Variants in BRINP3 observed in about 807,000 individuals in gnomAD.
BRINP3 encodes BMP/retinoic acid inducible neural specific 3.
In BRINP3, 19 loss-of-function variants were observed where a neutral mutation model predicts 71.0. The ratio of observed to expected loss-of-function variants is 0.27; its 90% CI spans 0.19 to 0.39. The LOEUF (loss-of-function observed/expected upper bound fraction) is 0.39, where lower values mean the gene tolerates loss of function less well. Among genes scored for constraint, BRINP3 ranks in the 10% least tolerant of loss-of-function variants. The pLI, the probability that BRINP3 is intolerant of heterozygous loss-of-function variation, is 1.00. For missense variants in BRINP3, 959 were observed against 940.8 expected (o/e 1.02, Z -0.25); for synonymous variants, 380 against 337.7 (o/e 1.13, Z -1.37).
chr1:190,195,361 G>A (rs1654388547), intron 6 of BRINP3, among the ~76,000 whole-genome samples: 1 of 151,842 alleles, frequency 6.6e-6, no homozygotes, highest in Admixed American at 6.6e-5. Context: ...TTTGTACATA[G>A]TTTGTCTTAT....
intron 2 of BRINP3, among the ~76,000 whole-genome samples, chr1:190,434,773 A>C (rs1356508040): frequency 6.6e-6 from 1 of 152,114 alleles, no homozygotes; most frequent in Non-Finnish European, 1.5e-5. Flanking sequence ...TTGGAAAATT[A>C]ATTTTATTTG....
chr1:190,154,843 T>C (rs1571859082), intron 7 of BRINP3, among the ~76,000 whole-genome samples: 1 of 152,238 alleles, frequency 6.6e-6, no homozygotes, highest in East Asian at 1.9e-4. Flanking sequence ...CCATTTTTAC[T>C]TGACATAGTT....
chr1:190,327,738 A>T (rs1265469049), intron 2 of BRINP3, among the ~76,000 whole-genome samples: 1 of 152,168 alleles, frequency 6.6e-6, no homozygotes, highest in African/African-American at 2.4e-5. Flanking sequence ...TAGACAGATC[A>T]TATAGGCAGA....
intron 4 of BRINP3, among the ~76,000 whole-genome samples, chr1:190,235,043 A>G (rs570420219): frequency 6.6e-6 from 1 of 152,034 alleles, no homozygotes; most frequent in Non-Finnish European, 1.5e-5. Flanking sequence ...CTTTGCTTAT[A>G]CAACATCCTC....
At chr1:190,364,334 G>A (rs955313044) in intron 2 of BRINP3, among the ~76,000 whole-genome samples, 36 of 152,192 alleles carry the variant, frequency 2.4e-4, no homozygotes, top group Admixed American at 2.2e-3. Flanking sequence ...AATGATACTT[G>A]AATGTGTGGT....
At chr1:190,334,106 G>A (rs1042135160) in intron 2 of BRINP3, among the ~76,000 whole-genome samples, 1 of 151,716 alleles carries the variant, frequency 6.6e-6, no homozygotes. Context: ...AATAAAATTT[G>A]TTTAAATAAT....
chr1:190,428,448 T>A (rs1379112839), intron 2 of BRINP3, among the ~76,000 whole-genome samples: 1 of 151,980 alleles, frequency 6.6e-6, no homozygotes, highest in African/African-American at 2.4e-5. Flanking sequence ...AAAACTCGTA[T>A]TTTTTTCTAA....
intron 2 of BRINP3, among the ~76,000 whole-genome samples, chr1:190,333,707 C>T (rs999690712): frequency 1.3e-5 from 2 of 151,824 alleles, no homozygotes; most frequent in Non-Finnish European, 2.9e-5. Context: ...TAGAAATTAC[C>T]TTAACAACAT....
chr1:190,366,789 ATATAAT>A (rs557437643), intron 2 of BRINP3, among the ~76,000 whole-genome samples: 43 of 152,306 alleles, frequency 2.8e-4, no homozygotes, highest in Middle Eastern at 6.8e-3. Context: ...CAAGTCCAAA[ATATAAT>A]AGTGCAGTCA....
At chr1:190,162,227 G>A (rs1259503179) in intron 6 of BRINP3, among the ~76,000 whole-genome samples, 16 of 147,992 alleles carry the variant, frequency 1.1e-4, no homozygotes, top group Admixed American at 1.0e-3. Flanking sequence ...GGTTTTGCTC[G>A]TTATCCAGGC....
chr1:190,112,273 T>A (rs59964875), intron 7 of BRINP3, among the ~76,000 whole-genome samples: 20,992 of 152,200 alleles, frequency 0.14, 2,503 homozygotes, highest in African/African-American at 0.28. Context: ...AAATTAAGTA[T>A]GTGTTTTCAG....
At chr1:190,261,906 G>T (rs1661216867) in intron 4 of BRINP3, among the ~76,000 whole-genome samples, 1 of 152,126 alleles carries the variant, frequency 6.6e-6, no homozygotes, top group Non-Finnish European at 1.5e-5. Context: ...TATTCAACTA[G>T]AAAATATTTC....
chr1:190,413,042 T>G (rs1672792966), intron 2 of BRINP3, among the ~76,000 whole-genome samples: 1 of 152,172 alleles, frequency 6.6e-6, no homozygotes, highest in African/African-American at 2.4e-5. Context: ...AGCACACCGC[T>G]GAATGTGCAG....
chr1:190,323,665 G>C (rs1277376146), intron 2 of BRINP3, among the ~76,000 whole-genome samples: 1 of 151,454 alleles, frequency 6.6e-6, no homozygotes, highest in Non-Finnish European at 1.5e-5. Context: ...GTTCTCTGTG[G>C]TTGAATATGA....
chr1:190,300,956 G>A (rs1033621592), intron 2 of BRINP3, among the ~76,000 whole-genome samples: 1 of 151,726 alleles, frequency 6.6e-6, no homozygotes, highest in Non-Finnish European at 1.5e-5. Flanking sequence ...AGAGAAGAAG[G>A]CTTCAGATGA....
intron 6 of BRINP3, among the ~76,000 whole-genome samples, chr1:190,181,159 A>C (rs1652997315): frequency 6.6e-6 from 1 of 152,054 alleles, no homozygotes; most frequent in African/African-American, 2.4e-5. Context: ...CAGACAATAC[A>C]TGGTTTTCTC....
At chr1:190,301,234 T>TATATATATATACAC (rs1268377492) in intron 2 of BRINP3, among the ~76,000 whole-genome samples, 1 of 123,414 alleles carries the variant, frequency 8.1e-6, no homozygotes, top group African/African-American at 3.3e-5. Flanking sequence ...TATATATATA[T>TATATATATATACAC]ACACACATAC....
chr1:190,437,886 A>G (rs1405731988), intron 2 of BRINP3, among the ~76,000 whole-genome samples: 3 of 151,774 alleles, frequency 2.0e-5, no homozygotes, highest in Non-Finnish European at 4.4e-5. Flanking sequence ...TAATATTTCA[A>G]AAGATAACGT....
At chr1:190,145,924 C>CCATTA (rs1376403920) in intron 7 of BRINP3, among the ~76,000 whole-genome samples, 2 of 152,052 alleles carry the variant, frequency 1.3e-5, no homozygotes, top group Non-Finnish European at 2.9e-5. Flanking sequence ...GAGCTCGAGG[C>CCATTA]CATTATTCTA....
Sources: gnomAD v4.1 joint callset for allele counts (sites outside exome capture counted in the v4.1 genomes callset) on GRCh38, gnomAD v4.1.1 for gene constraint, MANE v1.5 for transcripts, NCBI Gene and HGNC (gene_info 2026-07-23, HGNC 2026-07-21) for gene names.